The following MACROD2 variants were observed in gnomAD, a reference collection of about 807,000 sequenced individuals.
MACROD2 encodes the protein ADP-ribose glycohydrolase MACROD2.
A neutral mutation model predicts 70.4 loss-of-function variants in MACROD2; 36 were observed. The ratio of observed to expected loss-of-function variants is 0.51; its 90% CI spans 0.39 to 0.68. The LOEUF is 0.68. Ranked by LOEUF, MACROD2 falls within the 30% of genes least tolerant of loss-of-function variation. The pLI, the probability that MACROD2 is intolerant of heterozygous loss-of-function variation, is 0.00. For synonymous variants in MACROD2, 172 were observed against 178.8 expected, an observed-to-expected ratio of 0.96 and a Z score of 0.30; for missense variants, 496 against 538.4, an observed-to-expected ratio of 0.92 and a Z score of 0.78.
chr20:14,749,532 A>G (rs2071842550), intron 5 of MACROD2, among the ~76,000 whole-genome samples: 1 of 152,114 alleles, frequency 6.6e-6, no homozygotes, highest in Non-Finnish European at 1.5e-5. Flanking sequence ...CTACTATATC[A>G]TGATTCTTTG....
chr20:15,707,191 C>T (rs187313748), intron 8 of MACROD2, among the ~76,000 whole-genome samples: 16 of 152,210 alleles, frequency 1.1e-4, no homozygotes, highest in East Asian at 7.7e-4. Flanking sequence ...TCCTGGGTGA[C>T]GGAAACGAGT....
intron 4 of MACROD2, among the ~76,000 whole-genome samples, chr20:14,609,623 G>A (rs1409049740): frequency 6.6e-6 from 1 of 152,046 alleles, no homozygotes; most frequent in African/African-American, 2.4e-5. Context: ...ATACCAAATA[G>A]GAGTATCATT....
intron 3 of MACROD2, among the ~76,000 whole-genome samples, chr20:14,290,449 C>G (rs1054143404): frequency 1.3e-5 from 2 of 151,854 alleles, no homozygotes; most frequent in Non-Finnish European, 2.9e-5. Flanking sequence ...GCACCCAGGC[C>G]ACAGCCAACC....
chr20:15,199,634 G>A (rs1014442478), intron 5 of MACROD2, among the ~76,000 whole-genome samples: 1 of 152,148 alleles, frequency 6.6e-6, no homozygotes, highest in African/African-American at 2.4e-5. Context: ...TGGGGAAATA[G>A]ATATTTTCTA....
chr20:14,934,606 G>A lies in MACROD2; in HGVS notation c.418+249647G>A, dbSNP rs149792778. 6.7e-3 allele frequency among the ~76,000 whole-genome samples: 1,016 copies of A among 152,268 alleles called. 6 individuals are homozygous for A. Among genetic ancestry groups the A allele is most frequent in the African/African-American group, 0.023 (947 of 41,560 alleles). On this transcript the variant is annotated intron_variant, in intron 5 of 17. Transcript: ENST00000684519. ...GTTCGAGACCAGCCTGGCCAACATG[G>A]TGAAACCTTGTCTCTATCAAAAATA...
chr20:14,139,959 C>T (rs2054848153), intron 3 of MACROD2, among the ~76,000 whole-genome samples: 1 of 152,076 alleles, frequency 6.6e-6, no homozygotes, highest in South Asian at 2.1e-4. Flanking sequence ...AAGGTATACA[C>T]ATAAAAAATT....
intron 8 of MACROD2, among the ~76,000 whole-genome samples, chr20:15,645,575 G>T (rs139395388): frequency 4.3e-4 from 66 of 152,310 alleles, no homozygotes; most frequent in African/African-American, 1.5e-3. Context: ...AGAGAAAACA[G>T]AATCTGGCAG....
intron 8 of MACROD2, among the ~76,000 whole-genome samples, chr20:15,583,510 A>G (rs890195023): frequency 2.0e-5 from 3 of 152,166 alleles, no homozygotes; most frequent in Non-Finnish European, 2.9e-5. Context: ...TCTCCTACGT[A>G]ATCTTCCAAA....
At chr20:15,203,558 A>T (rs1049319960) in intron 5 of MACROD2, among the ~76,000 whole-genome samples, 6 of 152,120 alleles carry the variant, frequency 3.9e-5, no homozygotes, top group Middle Eastern at 3.2e-3. Context: ...ATTTATAAAC[A>T]TGGTACCTTT....
chr20:14,703,208 G>A (rs1336601740), intron 5 of MACROD2, among the ~76,000 whole-genome samples: 2 of 151,934 alleles, frequency 1.3e-5, no homozygotes, highest in East Asian at 1.9e-4. Flanking sequence ...CATTTTTTGG[G>A]TACATAATGT....
chr20:15,568,677 C>T (rs1010003935), intron 8 of MACROD2, among the ~76,000 whole-genome samples: 2 of 152,116 alleles, frequency 1.3e-5, no homozygotes, highest in African/African-American at 4.8e-5. Context: ...GGCTGGGAAA[C>T]GCAAGGTCAC....
chr20:14,308,004 T>C (rs1484751436), intron 3 of MACROD2, among the ~76,000 whole-genome samples: 1 of 152,188 alleles, frequency 6.6e-6, no homozygotes, highest in East Asian at 1.9e-4. Context: ...TACATATAGC[T>C]GTTCCAACTA....
intron 3 of MACROD2, among the ~76,000 whole-genome samples, chr20:14,148,744 C>A (rs2148709919): frequency 6.6e-6 from 1 of 152,226 alleles, no homozygotes; most frequent in South Asian, 2.1e-4. Context: ...TTATTTTTTA[C>A]CCAGAGCCTT....
chr20:15,132,317 C>G (rs1049493396), intron 5 of MACROD2, among the ~76,000 whole-genome samples: 1 of 151,388 alleles, frequency 6.6e-6, no homozygotes, highest in South Asian at 2.1e-4. Context: ...TAAAAGATTA[C>G]GTAGAAAAAA....
chr20:15,249,100 C>T (rs1451448114), intron 6 of MACROD2, among the ~76,000 whole-genome samples: 5 of 152,290 alleles, frequency 3.3e-5, no homozygotes, highest in East Asian at 1.9e-4. Flanking sequence ...AGAATTGCCC[C>T]GCCAAAGGAC....
intron 8 of MACROD2, among the ~76,000 whole-genome samples, chr20:15,836,780 G>T (rs774823130): frequency 6.6e-6 from 1 of 152,168 alleles, no homozygotes; most frequent in Non-Finnish European, 1.5e-5. Context: ...AGTAAGAATA[G>T]CAATACCAAA....
intron 7 of MACROD2, among the ~76,000 whole-genome samples, chr20:15,470,816 T>C (rs1042023833): frequency 6.6e-6 from 1 of 152,186 alleles, no homozygotes; most frequent in Non-Finnish European, 1.5e-5. Flanking sequence ...TTGCCTTACC[T>C]ACAGCTTCTG....
At chr20:14,631,428 A>T (rs1231823818) in intron 4 of MACROD2, among the ~76,000 whole-genome samples, 1 of 152,170 alleles carries the variant, frequency 6.6e-6, no homozygotes, top group Non-Finnish European at 1.5e-5. Flanking sequence ...CTGGAATGAG[A>T]TGTTGCCCGA....
intron 4 of MACROD2, among the ~76,000 whole-genome samples, chr20:14,670,704 A>AT (rs1300031461): frequency 1.3e-5 from 2 of 152,146 alleles, no homozygotes; most frequent in Non-Finnish European, 2.9e-5. Flanking sequence ...ACACAAAGTC[A>AT]TTTTTTAAAG....
Sources: allele counts gnomAD v4.1 joint callset (sites outside exome capture counted in the v4.1 genomes callset), GRCh38; gene constraint gnomAD v4.1.1; transcripts MANE v1.5; gene names NCBI Gene and HGNC (gene_info 2026-07-23, HGNC 2026-07-21).